The following CAPNS1 variants were observed in gnomAD, a reference collection of about 807,000 sequenced individuals.
The protein encoded by CAPNS1 is CANP small subunit.
In CAPNS1, 32 loss-of-function variants were observed where a neutral mutation model predicts 39.2. The ratio of observed to expected loss-of-function variants is 0.82; its 90% CI spans 0.62 to 1.10. The LOEUF (loss-of-function observed/expected upper bound fraction) is 1.10, where lower values mean the gene tolerates loss of function less well. Ranked by LOEUF, CAPNS1 falls within the 50% of genes least tolerant of loss-of-function variation. CAPNS1 has a pLI of 0.00. For missense variants in CAPNS1, 353 were observed against 373.1 expected (o/e 0.95, Z 0.44); for synonymous variants, 153 against 136.2 (o/e 1.12, Z -0.86).
In CAPNS1 at chr19:36,145,983, A is replaced by T. The variant is rs780531281; in HGVS notation, c.533A>T (p.Tyr178Phe). ...WNNIKRWQAI[Y>F]KQFDTDRSGT... ...ATGTCTCTGTCCTCACAGGCCATAT[A>T]CAAACAGTTCGACACTGACCGATCA... The change falls in exon 8 of 11, where the codon TAC becomes TTC. Residue 178 changes from tyrosine to phenylalanine, a missense_variant. Physicochemically the swap from Tyr to Phe is conservative, Grantham distance 22. Coordinates refer to ENST00000246533, the MANE Select transcript of CAPNS1 (RefSeq NM_001749.4). 1.9e-6 allele frequency: 3 copies of T among 1,614,086 alleles called. No homozygotes were observed. Among genetic ancestry groups the T allele is most frequent in the Non-Finnish European group, 2.5e-6 (3 of 1,180,028 alleles).
chr19:36,140,914 G>C lies in CAPNS1; in HGVS notation c.-15-83G>C. 4 of 1,568,440 alleles carry C rather than the reference G, an allele frequency of 2.6e-6. No homozygotes were observed. The South Asian group carries it at 4.5e-5, about 18-fold the overall frequency. On this transcript the variant is annotated intron_variant, in intron 1 of 10. Coordinates refer to ENST00000246533, the MANE Select transcript of CAPNS1 (RefSeq NM_001749.4). ...CCCGGAGGCTTCAGATTCCTCCCAG[G>C]TCCAGCTGCCGGAAATGCGTGTTTG...
chr19:36,149,311 C>T (rs1974688388), intron 9 of CAPNS1, among the ~76,000 whole-genome samples: 1 of 152,146 alleles, frequency 6.6e-6, no homozygotes, highest in Admixed American at 6.5e-5. Context: ...AGTGATCCTC[C>T]CATCTTGGCC....
chr19:36,149,285 A>G (rs1974686796), intron 9 of CAPNS1, among the ~76,000 whole-genome samples: 1 of 152,064 alleles, frequency 6.6e-6, no homozygotes, highest in South Asian at 2.1e-4. Context: ...TTGGTCTCGA[A>G]CTCCTGGGCG....
rs1270822989 is a variant in CAPNS1 at position 36,142,241 on chromosome 19, G to A, written c.210-59G>A. 8.3e-6 allele frequency: 9 copies of A among 1,088,238 alleles called. No individual in the cohort carries two copies. In the African/African-American group the frequency reaches 1.2e-4, roughly 15 times the overall value. 67.4% of individuals were successfully genotyped at this position (1,088,238 alleles called of 1,614,324 possible). A position where few individuals can be genotyped will look rare whatever the true frequency, so the allele number is the denominator to read the frequency against. On this transcript the variant is annotated intron_variant, in intron 2 of 10. Coordinates refer to ENST00000246533, the MANE Select transcript of CAPNS1 (RefSeq NM_001749.4). ...GAGCGTTGGGGCTGATGGTTCTGTA[G>A]TGCTGCCCGTTGGAGGCCCCGCCCC...
rs1408458055 is a variant in CAPNS1, at chr19:36,141,190, G to A, written c.179G>A (p.Arg60His). 3 of 1,456,182 alleles carry A rather than the reference G, an allele frequency of 2.1e-6. No individual in the cohort carries two copies. The highest frequency in any genetic ancestry group is 1.4e-5 in the South Asian group (1 of 69,838). The allele number at this position is 1,456,182 out of a possible 1,614,324, so 90.2% of individuals were successfully genotyped here. A position where few individuals can be genotyped will look rare whatever the true frequency, so the allele number is the denominator to read the frequency against. ...GGGGGGGTAM[R>H]ILGGVISAIS... is the part of the protein sequence containing the mutation. ...GGCGGTGGCGGTGGAACGGCCATGCGCATCCTAGGCGGAGTCATCAGCGCC... is the reference window on the plus strand; with the variant it reads ...GGCGGTGGCGGTGGAACGGCCATGCACATCCTAGGCGGAGTCATCAGCGCC... The change falls in exon 2 of 11, where the codon CGC becomes CAC. Residue 60 changes from arginine (R) to histidine (H), a missense_variant. Transcript: ENST00000246533.
chr19:36,141,176 T>A lies in CAPNS1; in HGVS notation c.165T>A (p.Gly55=). 1 of 1,410,090 alleles carries A rather than the reference T, an allele frequency of 7.1e-7. No individual in the cohort carries two copies. The highest frequency in any genetic ancestry group is 9.2e-7 in the Non-Finnish European group (1 of 1,087,242). 87.3% of individuals were successfully genotyped at this position (1,410,090 alleles called of 1,614,324 possible). A position where few individuals can be genotyped will look rare whatever the true frequency, so the allele number is the denominator to read the frequency against. Residue 55 remains glycine (G), a synonymous_variant, in exon 2 of 11, where the codon GGT becomes GGA. Transcript: ENST00000246533. The part of the protein sequence containing the change: ...GGGGGGGGGG[G]GTAMRILGGV... Reference sequence around the variant, plus strand: ...GCGGTGGTGGAGGCGGCGGTGGCGGTGGAACGGCCATGCGCATCCTAGGCG... The same window carrying A: ...GCGGTGGTGGAGGCGGCGGTGGCGGAGGAACGGCCATGCGCATCCTAGGCG...
chr19:36,142,380 T>C, intron 3 of CAPNS1, 47 bp downstream of exon 3: 1 of 1,033,632 alleles, frequency 9.7e-7, no homozygotes, highest in Non-Finnish European at 1.5e-6. Flanking sequence ...CAAGGCCTCT[T>C]CGAGGTCCCA....
In CAPNS1 at chr19:36,146,313, G is replaced by A. The variant is rs760597333; in HGVS notation, c.721+1G>A. On this transcript the variant is annotated splice_donor_variant, in intron 9 of 10. Transcript: ENST00000246533. LOFTEE classifies it high-confidence loss of function. ...TTGGTCAGGCTGGACGCCATGTTCC[G>A]TGAGTGACAACCCAGCTGTCTTCCT... 24 of 1,596,480 alleles carry A rather than the reference G, an allele frequency of 1.5e-5. No individual in the cohort carries two copies. The highest frequency in any genetic ancestry group is 2.2e-5 in the South Asian group (2 of 90,572).
Position 36,143,137 on chromosome 19 carries a change from G to C in CAPNS1, c.456+9G>C. 1 of 1,613,504 alleles carries C rather than the reference G, an allele frequency of 6.2e-7. No individual in the cohort carries two copies. Among genetic ancestry groups the C allele is most frequent in the Non-Finnish European group, 8.5e-7 (1 of 1,179,690 alleles). Reference sequence around the variant, plus strand: ...TGGTGGCCGTGATGGATGTATCCTTGGGGGCAGTGTGGGAGAGGCCCTGGG... The same window carrying C: ...TGGTGGCCGTGATGGATGTATCCTTCGGGGCAGTGTGGGAGAGGCCCTGGG... On this transcript the variant is annotated intron_variant, in intron 6 of 10. Transcript: ENST00000246533.
intron 2 of CAPNS1, chr19:36,141,610 A>G (rs1974378223): frequency 4.7e-6 from 5 of 1,053,024 alleles, no homozygotes; most frequent in Admixed American, 5.4e-5. Flanking sequence ...AAGGGGCTTG[A>G]CTTATGAGTG....
In CAPNS1 at chr19:36,142,889, C is replaced by T; in HGVS notation, c.334-20C>T. ...ACCCCTTTCAGTCACCCCTGACCTGCCCCTAACTTCCGCCCGCAGGACATG... is the reference window on the plus strand; with the variant it reads ...ACCCCTTTCAGTCACCCCTGACCTGTCCCTAACTTCCGCCCGCAGGACATG... On this transcript the variant is annotated intron_variant, in intron 4 of 10. Coordinates refer to ENST00000246533, the MANE Select transcript of CAPNS1 (RefSeq NM_001749.4). 1 of 1,614,014 alleles carries T rather than the reference C, an allele frequency of 6.2e-7. No homozygotes were observed. Among genetic ancestry groups the T allele is most frequent in the Non-Finnish European group, 8.5e-7 (1 of 1,179,870 alleles).
Position 36,141,136 on chromosome 19 carries a change from G to C in CAPNS1, c.125G>C (p.Gly42Ala). ...AGCGGGGCCGGGGGCGGCGGCGGCG[G>C]CGGCGGCGGCGGCGGCGGTGGTGGA... ...LISGAGGGGG[G>A]GGGGGGGGGG... The change falls in exon 2 of 11, where the codon GGC becomes GCC. Residue 42 changes from glycine to alanine, a missense_variant. By Grantham distance (60) the Gly-to-Ala change is moderately conservative (BLOSUM62 0). Coordinates refer to ENST00000246533, the MANE Select transcript of CAPNS1 (RefSeq NM_001749.4). 1 of 1,386,160 alleles carries C rather than the reference G, an allele frequency of 7.2e-7. No homozygotes were observed. The highest frequency in any genetic ancestry group is 9.3e-7 in the Non-Finnish European group (1 of 1,073,520). 85.9% of individuals were successfully genotyped at this position (1,386,160 alleles called of 1,614,324 possible).
At chr19:36,145,488 G>A (rs1974531391) in intron 6 of CAPNS1, 1 of 241,274 alleles carries the variant, frequency 4.1e-6, no homozygotes, top group Non-Finnish European at 8.2e-6. Context: ...GCAGGCGGGA[G>A]CCACCGTGCG....
intron 1 of CAPNS1, 162 bp from the exon 2 acceptor site, chr19:36,140,835 C>A: frequency 9.5e-7 from 1 of 1,054,488 alleles, no homozygotes; most frequent in Non-Finnish European, 1.4e-6. Context: ...CCTGATCCCC[C>A]ATACCTGCCC....
rs200436917 is a variant in CAPNS1 at position 36,149,667 on chromosome 19, C to T, written c.780+31C>T. 1.5e-4 allele frequency: 241 copies of T among 1,590,324 alleles called. 1 individual carries two copies. The highest frequency in any genetic ancestry group is 9.2e-4 in the Admixed American group (52 of 56,544). ...GACCCCCATATTGGGGTATGGGTGC[C>T]TGGGAGGACCCCACCCCTCAGCCCT... On this transcript the variant is annotated intron_variant, in intron 10 of 10. Transcript: ENST00000246533.
At chr19:36,146,895 G>A (rs1974587795) in intron 9 of CAPNS1, among the ~76,000 whole-genome samples, 2 of 152,198 alleles carry the variant, frequency 1.3e-5, no homozygotes, top group African/African-American at 4.8e-5. Flanking sequence ...GCCCAGGCTG[G>A]AGTGCAGTGG....
rs2145924803 is a variant in CAPNS1, at chr19:36,142,916, A to G, written c.341A>G (p.Glu114Gly). Reference sequence around the variant, plus strand: ...CCTAACTTCCGCCCGCAGGACATGGAGGTCAGCGCCACAGAACTCATGAAC... The same window carrying G: ...CCTAACTTCCGCCCGCAGGACATGGGGGTCAGCGCCACAGAACTCATGAAC... ...LFAQLAGDDM[E>G]VSATELMNIL... The change falls in exon 5 of 11, where the codon GAG becomes GGG. Residue 114 changes from glutamate (E) to glycine (G), a missense_variant. Coordinates refer to ENST00000246533, the MANE Select transcript of CAPNS1 (RefSeq NM_001749.4). 6.2e-7 allele frequency: 1 copy of G among 1,614,208 alleles called. No homozygotes were observed.
At position 36,141,234 on chromosome 19, in the gene CAPNS1, T is replaced by C. The variant is rs370410609; in HGVS notation, c.209+14T>C. The C allele has an allele frequency of 8.0e-5, 121 of 1,516,210 alleles. No individual in the cohort carries two copies. Among genetic ancestry groups the C allele is most frequent in the Non-Finnish European group, 8.8e-5 (100 of 1,138,480 alleles). The allele number at this position is 1,516,210 out of a possible 1,614,324, so 93.9% of individuals were successfully genotyped here. On this transcript the variant is annotated intron_variant, in intron 2 of 10. Transcript: ENST00000246533. ...CAGCGCCATCAGGTAAGGCGGAGAC[T>C]ATCAGAGGGGCGGGGCCTGGGAATG...
intron 6 of CAPNS1, among the ~76,000 whole-genome samples, chr19:36,144,443 A>G (rs1290738555): frequency 6.6e-6 from 1 of 152,220 alleles, no homozygotes; most frequent in South Asian, 2.1e-4. Context: ...GCACACCCAC[A>G]TACGTGAAGG....
Sources: allele counts gnomAD v4.1 joint callset (sites outside exome capture counted in the v4.1 genomes callset), GRCh38; gene constraint gnomAD v4.1.1; transcripts MANE v1.5; gene names NCBI Gene and HGNC (gene_info 2026-07-23, HGNC 2026-07-21).